The following CYP2B6 variants were observed in gnomAD, a reference collection of about 807,000 sequenced individuals.
The protein encoded by CYP2B6 is cytochrome P450 family 2 subfamily B member 6, also known as cytochrome P450 2B6.
A neutral mutation model predicts 43.4 loss-of-function variants in CYP2B6; 35 were observed. The observed-to-expected ratio is 0.81, with a 90% CI of 0.62 to 1.07. The LOEUF (loss-of-function observed/expected upper bound fraction) is 1.07, where lower values mean the gene tolerates loss of function less well. CYP2B6 is among the 50% of genes least tolerant of loss of function. The pLI is 0.00. For synonymous variants in CYP2B6, 239 were observed against 239.2 expected, an observed-to-expected ratio of 1.00 and a Z score of 0.01; for missense variants, 624 against 632.8, an observed-to-expected ratio of 0.99 and a Z score of 0.15.
chr19:41,006,025 C>A (rs1969177391), intron 3 of CYP2B6, among the ~76,000 whole-genome samples: 1 of 151,996 alleles, frequency 6.6e-6, no homozygotes, highest in African/African-American at 2.4e-5. Context: ...CCAGCTGGGG[C>A]CAGTGCTGAG....
chr19:41,004,897 T>C (rs1969152631), intron 3 of CYP2B6, among the ~76,000 whole-genome samples: 1 of 151,710 alleles, frequency 6.6e-6, no homozygotes, highest in African/African-American at 2.4e-5. Context: ...GAGGCTAAGG[T>C]GGGACTACAG....
chr19:40,998,619 T>G (rs1256954433), intron 1 of CYP2B6, among the ~76,000 whole-genome samples: 3 of 139,922 alleles, frequency 2.1e-5, no homozygotes, highest in African/African-American at 8.2e-5. Context: ...TTTCCCTTCC[T>G]GTGTCCATGT....
chr19:41,003,855 T>C, intron 1 of CYP2B6, 146 bp from the exon 2 acceptor site: 1 of 1,047,300 alleles, frequency 9.5e-7, no homozygotes. Context: ...CCTTAATTGC[T>C]GGGTCCCAGC....
At chr19:41,013,588 A>G (rs553713418) in intron 8 of CYP2B6, among the ~76,000 whole-genome samples, 110 of 150,908 alleles carry the variant, frequency 7.3e-4, no homozygotes, top group African/African-American at 2.5e-3. Context: ...AGATTGCAGA[A>G]GGAAATAAGA....
At chr19:41,003,601 C>G (rs977107920) in intron 1 of CYP2B6, among the ~76,000 whole-genome samples, 1 of 152,186 alleles carries the variant, frequency 6.6e-6, no homozygotes, top group Non-Finnish European at 1.5e-5. Flanking sequence ...AGGGCACAAG[C>G]CAATCAGAGC....
chr19:41,004,233 A>C, intron 2 of CYP2B6, 64 bp from the exon 3 acceptor site: 1 of 1,613,284 alleles, frequency 6.2e-7, no homozygotes, highest in Non-Finnish European at 8.5e-7. Flanking sequence ...TATGGGAGGA[A>C]GAAGGACTCA....
At chr19:41,013,385 A>G (rs191644501) in intron 8 of CYP2B6, among the ~76,000 whole-genome samples, 196 of 152,268 alleles carry the variant, frequency 1.3e-3, no homozygotes, top group African/African-American at 4.5e-3. Flanking sequence ...ATAGTAGCTA[A>G]TCTTGTGGTG....
intron 1 of CYP2B6, among the ~76,000 whole-genome samples, chr19:41,000,328 G>A (rs181586398): frequency 2.0e-5 from 3 of 152,284 alleles, no homozygotes; most frequent in Admixed American, 2.0e-4. Context: ...AGGAAGGCCT[G>A]TGAGGTATCA....
rs775031571 is a variant in CYP2B6, at chr19:41,012,774, G to A, written c.1253G>A (p.Gly418Glu). The A allele has an allele frequency of 1.2e-6, 2 of 1,613,872 alleles. No homozygotes were observed. Among genetic ancestry groups the A allele is most frequent in the African/African-American group, 2.7e-5 (2 of 74,830 alleles). Reference protein sequence around the residue: ...FNPDHFLDANGALKKTEAFIP... With the variant: ...FNPDHFLDANEALKKTEAFIP... The stretch of plus-strand genomic sequence containing the variant: ...CCTGACCACTTTCTGGATGCCAATG[G>A]GGCACTGAAAAAGACTGAAGCTTTT... The change falls in exon 8 of 9, where the codon GGG (glycine) becomes GAG (glutamate). Residue 418 changes from glycine (G) to glutamate (E), a missense_variant. Transcript: ENST00000324071.
At chr19:41,010,922 A>C (rs1227910638) in intron 6 of CYP2B6, among the ~76,000 whole-genome samples, 1 of 152,140 alleles carries the variant, frequency 6.6e-6, no homozygotes, top group East Asian at 1.9e-4. Context: ...TCACTTAAAA[A>C]TCGATCCATC....
chr19:40,991,309 G>T lies in CYP2B6; in HGVS notation c.4G>T (p.Glu2Ter). 1 of 1,614,038 alleles carries T rather than the reference G, an allele frequency of 6.2e-7. No homozygotes were observed. The highest frequency in any genetic ancestry group is 8.5e-7 in the Non-Finnish European group (1 of 1,180,034). The change falls in exon 1 of 9, where the codon GAA (glutamate) becomes TAA (stop). Residue 2 changes from glutamate (E) to a stop codon, truncating the protein, a stop_gained. Coordinates refer to ENST00000324071, the MANE Select transcript of CYP2B6 (RefSeq NM_000767.5). LOFTEE classifies it high-confidence loss of function. ...GCAGGGCAGTCAGACCAGGACCATGGAACTCAGCGTCCTCCTCTTCCTTGC... is the reference window on the plus strand; with the variant it reads ...GCAGGGCAGTCAGACCAGGACCATGTAACTCAGCGTCCTCCTCTTCCTTGC... The part of the protein sequence containing the change: M[E>*]LSVLLFLALL...
rs773734526 is a variant in CYP2B6 at position 40,991,362 on chromosome 19, G to A, written c.57G>A (p.Leu19=). The A allele has an allele frequency of 3.1e-6, 5 of 1,614,078 alleles. No homozygotes were observed. Among genetic ancestry groups the A allele is most frequent in the Admixed American group, 1.7e-5 (1 of 60,010 alleles). The change falls in exon 1 of 9, where the codon CTG becomes CTA. Residue 19 remains leucine (L), a synonymous_variant. Transcript: ENST00000324071. ...LALLTGLLLL[L]VQRHPNTHDR... ...TCCTCACAGGACTCTTGCTACTCCT[G>A]GTTCAGCGCCACCCTAACACCCATG...
In CYP2B6 at chr19:41,016,778, G is replaced by A. The variant is rs564083989; in HGVS notation, c.1427G>A (p.Gly476Asp). Residue 476 changes from glycine to aspartate, a missense_variant, in exon 9 of 9, where the codon GGT becomes GAT. By Grantham distance (94) the Gly-to-Asp change is moderately conservative (BLOSUM62 -1). Coordinates refer to ENST00000324071, the MANE Select transcript of CYP2B6 (RefSeq NM_000767.5). Reference sequence around the variant, plus strand: ...ATCGATCTGACACCCCAGGAGTGTGGTGTGGGCAAAATACCCCCAACATAC... The same window carrying A: ...ATCGATCTGACACCCCAGGAGTGTGATGTGGGCAAAATACCCCCAACATAC... ...EDIDLTPQEC[G>D]VGKIPPTYQI... The A allele has an allele frequency of 6.8e-6, 11 of 1,614,192 alleles. No individual in the cohort carries two copies. The East Asian group carries it at 2.5e-4, about 36-fold the overall frequency.
intron 1 of CYP2B6, 91 bp downstream of exon 1, chr19:40,991,567 A>G: frequency 6.9e-7 from 1 of 1,445,466 alleles, no homozygotes; most frequent in Non-Finnish European, 9.7e-7. Flanking sequence ...GCAGACTTCC[A>G]GAGTCAGGGG....
At chr19:41,001,491 G>A (rs1025214884) in intron 1 of CYP2B6, among the ~76,000 whole-genome samples, 2 of 152,108 alleles carry the variant, frequency 1.3e-5, no homozygotes, top group Admixed American at 6.6e-5. Flanking sequence ...TGATGTCAGA[G>A]GGATGTGGGC....
intron 1 of CYP2B6, among the ~76,000 whole-genome samples, chr19:40,999,183 G>A (rs1170164034): frequency 6.6e-6 from 1 of 152,130 alleles, no homozygotes; most frequent in African/African-American, 2.4e-5. Flanking sequence ...CATTGATGTT[G>A]AGCATTTTTT....
intron 1 of CYP2B6, among the ~76,000 whole-genome samples, chr19:41,003,002 A>T (rs1969119730): frequency 6.6e-6 from 1 of 151,940 alleles, no homozygotes; most frequent in African/African-American, 2.4e-5. Flanking sequence ...TATTGTGAGA[A>T]CCCTCACTGA....
chr19:40,993,745 T>C (rs368924129), intron 1 of CYP2B6, among the ~76,000 whole-genome samples: 1 of 152,156 alleles, frequency 6.6e-6, no homozygotes, highest in African/African-American at 2.4e-5. Context: ...CTGAGAAATG[T>C]CCTTAGTGTA....
chr19:41,007,123 C>G (rs944425202), intron 4 of CYP2B6, 58 bp downstream of exon 4: 2 of 1,539,904 alleles, frequency 1.3e-6, no homozygotes, highest in Admixed American at 1.7e-5. Context: ...CCAGAACACA[C>G]GAGAAAAGGA....
Sources: gnomAD v4.1 joint callset for allele counts (sites outside exome capture counted in the v4.1 genomes callset) on GRCh38, gnomAD v4.1.1 for gene constraint, MANE v1.5 for transcripts, NCBI Gene and HGNC (gene_info 2026-07-23, HGNC 2026-07-21) for gene names.